The following ZNRF3 variants were observed in gnomAD, a reference collection of about 807,000 sequenced individuals.
ZNRF3 encodes zinc and ring finger 3.
Under a neutral mutation model 72.5 loss-of-function variants are expected in ZNRF3, and 23 were observed. That is an observed-to-expected ratio of 0.32 (90% CI 0.23 to 0.45). ZNRF3 has a LOEUF of 0.45. Among genes scored for constraint, ZNRF3 ranks in the 20% least tolerant of loss-of-function variants. The probability of loss-of-function intolerance (pLI) is 1.00; values close to 1 mark genes in which losing one functional copy is unlikely to be tolerated. For synonymous variants in ZNRF3, 610 were observed against 545.3 expected, an observed-to-expected ratio of 1.12 and a Z score of -1.65; for missense variants, 1,169 against 1,272.1, an observed-to-expected ratio of 0.92 and a Z score of 1.23.
intron 1 of ZNRF3, among the ~76,000 whole-genome samples, chr22:28,923,033 T>C (rs1051825773): frequency 1.3e-5 from 2 of 152,168 alleles, no homozygotes; most frequent in Admixed American, 6.5e-5. Context: ...AGGGATGTGC[T>C]GTGCCCCGTG....
chr22:29,043,351 G>A lies in ZNRF3; in HGVS notation c.554G>A (p.Gly185Asp). The A allele has an allele frequency of 6.2e-7, 1 of 1,614,008 alleles. No individual in the cohort carries two copies. Among genetic ancestry groups the A allele is most frequent in the South Asian group, 1.1e-5 (1 of 91,070 alleles). The change falls in exon 4 of 9, where the codon GGT becomes GAT. Residue 185 changes from glycine to aspartate, a missense_variant. Physicochemically the swap from Gly to Asp is moderately conservative, Grantham distance 94. Transcript: ENST00000544604. ...AAGAGGCCGGTGGTGTATGTGAAGG[G>A]TGCAGATGCCATTAAGCTGATGAAC... is the stretch of plus-strand genomic sequence containing the variant. ...PLKRPVVYVK[G>D]ADAIKLMNIV...
At chr22:29,039,764 T>C (rs1180565609) in intron 2 of ZNRF3, among the ~76,000 whole-genome samples, 4 of 115,692 alleles carry the variant, frequency 3.5e-5, no homozygotes, top group African/African-American at 1.1e-4. Flanking sequence ...CTGGGCAACA[T>C]AGTGAGACCT....
intron 2 of ZNRF3, among the ~76,000 whole-genome samples, chr22:28,989,069 CATT>C (rs1240416940): frequency 6.6e-6 from 1 of 152,160 alleles, no homozygotes; most frequent in African/African-American, 2.4e-5. Context: ...TATATTGAAT[CATT>C]AAGTGCTTCT....
At chr22:29,008,796 C>A (rs2036301581) in intron 2 of ZNRF3, among the ~76,000 whole-genome samples, 1 of 152,170 alleles carries the variant, frequency 6.6e-6, no homozygotes, top group Admixed American at 6.5e-5. Flanking sequence ...ACATCTCGTA[C>A]CACTCGCAAT....
chr22:28,895,854 T>A (rs1440381281), intron 1 of ZNRF3, among the ~76,000 whole-genome samples: 1 of 152,224 alleles, frequency 6.6e-6, no homozygotes, highest in Admixed American at 6.5e-5. Flanking sequence ...TCCATGTGCC[T>A]GTTGCTTTAG....
At chr22:28,914,836 A>G (rs1040120693) in intron 1 of ZNRF3, among the ~76,000 whole-genome samples, 2 of 150,876 alleles carry the variant, frequency 1.3e-5, no homozygotes, top group Non-Finnish European at 3.0e-5. Flanking sequence ...AAAAAAAATT[A>G]GGTTAACCTA....
chr22:28,919,654 G>A lies in ZNRF3; in HGVS notation c.300+35588G>A, dbSNP rs147468700. ...CCCGAGTAGCTGGGATTACAGGCGCGTGCCACCATGCCTGGCTAATTTTTG... is the reference window on the plus strand; with the variant it reads ...CCCGAGTAGCTGGGATTACAGGCGCATGCCACCATGCCTGGCTAATTTTTG... On this transcript the variant is annotated intron_variant, in intron 1 of 8. Coordinates refer to ENST00000544604, the MANE Select transcript of ZNRF3 (RefSeq NM_001206998.2). 2.4e-4 allele frequency among the ~76,000 whole-genome samples: 36 copies of A among 149,112 alleles called. No homozygotes were observed. In the East Asian group the frequency reaches 5.3e-3, roughly 22 times the overall value.
chr22:28,964,549 AC>A (rs2035425280), intron 1 of ZNRF3, among the ~76,000 whole-genome samples: 1 of 152,188 alleles, frequency 6.6e-6, no homozygotes, highest in African/African-American at 2.4e-5. Flanking sequence ...GCTTTCAGGT[AC>A]CTGTGATCCT....
At chr22:29,014,252 G>A (rs559931800) in intron 2 of ZNRF3, among the ~76,000 whole-genome samples, 1 of 152,112 alleles carries the variant, frequency 6.6e-6, no homozygotes, top group East Asian at 1.9e-4. Context: ...TTATTGCTTT[G>A]GGGTCATGTC....
chr22:29,036,274 G>C (rs1486993403), intron 2 of ZNRF3, among the ~76,000 whole-genome samples: 2 of 152,132 alleles, frequency 1.3e-5, no homozygotes, highest in Non-Finnish European at 2.9e-5. Flanking sequence ...AACAACAAGA[G>C]AAACCCTAAG....
At chr22:28,913,030 TG>T (rs2034347416) in intron 1 of ZNRF3, among the ~76,000 whole-genome samples, 1 of 152,242 alleles carries the variant, frequency 6.6e-6, no homozygotes, top group Non-Finnish European at 1.5e-5. Flanking sequence ...TATCTTGGCT[TG>T]GGAAGTTGTG....
At chr22:28,893,724 G>A (rs2033937371) in intron 1 of ZNRF3, among the ~76,000 whole-genome samples, 1 of 152,124 alleles carries the variant, frequency 6.6e-6, no homozygotes, top group Non-Finnish European at 1.5e-5. Flanking sequence ...TCTTGAACTT[G>A]GGAGCTCAAG....
chr22:28,959,704 G>A (rs942738039), intron 1 of ZNRF3, among the ~76,000 whole-genome samples: 2 of 152,182 alleles, frequency 1.3e-5, no homozygotes, highest in African/African-American at 4.8e-5. Flanking sequence ...GGTGGTATTT[G>A]GTGATGGGGT....
intron 1 of ZNRF3, among the ~76,000 whole-genome samples, chr22:28,948,492 T>G (rs1260789726): frequency 6.6e-6 from 1 of 152,180 alleles, no homozygotes; most frequent in African/African-American, 2.4e-5. Flanking sequence ...TTTTAGAAAA[T>G]ATAGTGAGAA....
intron 1 of ZNRF3, among the ~76,000 whole-genome samples, chr22:28,884,948 AT>A (rs1038187088): frequency 6.6e-6 from 1 of 152,180 alleles, no homozygotes; most frequent in African/African-American, 2.4e-5. Flanking sequence ...CTTGGCCGTG[AT>A]TTTATCAACT....
intron 2 of ZNRF3, among the ~76,000 whole-genome samples, chr22:29,040,925 C>T (rs755009013): frequency 2.2e-4 from 33 of 152,154 alleles, no homozygotes; most frequent in Non-Finnish European, 4.1e-4. Context: ...TGCTTTCTCA[C>T]GCCACATCAA....
intron 2 of ZNRF3, chr22:29,017,999 G>A (rs1265179717): frequency 1.9e-6 from 1 of 519,088 alleles, no homozygotes; most frequent in East Asian, 5.4e-5. Context: ...GCTGGAAGAT[G>A]TGCGTATGCC....
chr22:28,984,729 C>T (rs1374717884), intron 1 of ZNRF3, among the ~76,000 whole-genome samples: 1 of 152,190 alleles, frequency 6.6e-6, no homozygotes, highest in East Asian at 1.9e-4. Flanking sequence ...TTGGCTCATC[C>T]CTCTTGCTCA....
intron 2 of ZNRF3, among the ~76,000 whole-genome samples, chr22:28,995,449 A>G (rs1159538137): frequency 6.6e-6 from 1 of 152,148 alleles, no homozygotes; most frequent in Non-Finnish European, 1.5e-5. Context: ...AAGAAATCCA[A>G]AGATGTTTGA....
Sources: allele counts gnomAD v4.1 joint callset (sites outside exome capture counted in the v4.1 genomes callset), GRCh38; gene constraint gnomAD v4.1.1; transcripts MANE v1.5; gene names NCBI Gene and HGNC (gene_info 2026-07-23, HGNC 2026-07-21).